HS6ST3: variants seen among roughly 807,000 people sequenced by gnomAD.
HS6ST3 encodes heparan sulfate 6-O-sulfotransferase 3, also known as heparan-sulfate 6-O-sulfotransferase 3.
Under a neutral mutation model 36.7 loss-of-function variants are expected in HS6ST3, and 12 were observed. The ratio of observed to expected loss-of-function variants is 0.33; its 90% confidence interval spans 0.21 to 0.53. HS6ST3 has a LOEUF of 0.53. Among genes scored for constraint, HS6ST3 ranks in the 20% least tolerant of loss-of-function variants. HS6ST3 has a pLI of 0.95. For missense variants in HS6ST3, 584 were observed against 640.9 expected (o/e 0.91, Z 0.96); for synonymous variants, 240 against 257.5 (o/e 0.93, Z 0.65).
intron 1 of HS6ST3, among the ~76,000 whole-genome samples, chr13:96,208,543 A>C (rs1464496399): frequency 1.3e-5 from 2 of 152,192 alleles, no homozygotes; most frequent in Admixed American, 1.3e-4. Flanking sequence ...ACTAATACCA[A>C]GTATTTTAGA....
intron 1 of HS6ST3, among the ~76,000 whole-genome samples, chr13:96,176,220 C>G (rs2054212042): frequency 1.3e-5 from 2 of 152,142 alleles, no homozygotes; most frequent in Non-Finnish European, 2.9e-5. Context: ...CCTCACACAA[C>G]TCATCAATTA....
intron 1 of HS6ST3, among the ~76,000 whole-genome samples, chr13:96,339,229 A>G (rs1426181181): frequency 6.6e-6 from 1 of 152,194 alleles, no homozygotes; most frequent in Non-Finnish European, 1.5e-5. Flanking sequence ...TGTTAAGAAA[A>G]CAGTATTAAG....
chr13:96,638,793 G>A (rs1463911269), intron 1 of HS6ST3, among the ~76,000 whole-genome samples: 1 of 151,630 alleles, frequency 6.6e-6, no homozygotes, highest in Non-Finnish European at 1.5e-5. Context: ...CCTTATAGCA[G>A]GGTGAGAATA....
intron 1 of HS6ST3, among the ~76,000 whole-genome samples, chr13:96,237,754 G>C (rs565756455): frequency 6.6e-6 from 1 of 152,164 alleles, no homozygotes; most frequent in Admixed American, 6.5e-5. Context: ...ACACATCTTT[G>C]TCCTTATTGG....
intron 1 of HS6ST3, among the ~76,000 whole-genome samples, chr13:96,143,856 G>GC (rs2054043665): frequency 1.3e-5 from 2 of 152,136 alleles, no homozygotes; most frequent in Admixed American, 6.6e-5. Context: ...TAGAGGGGGA[G>GC]CAATGGAAGA....
chr13:96,344,526 C>T (rs901056007), intron 1 of HS6ST3, among the ~76,000 whole-genome samples: 2 of 152,170 alleles, frequency 1.3e-5, no homozygotes, highest in African/African-American at 2.4e-5. Context: ...TTTGATTATG[C>T]ATTGCTGCTG....
At chr13:96,360,509 C>A (rs960784449) in intron 1 of HS6ST3, among the ~76,000 whole-genome samples, 2 of 152,038 alleles carry the variant, frequency 1.3e-5, no homozygotes, top group Non-Finnish European at 1.5e-5. Context: ...AAAAAAATTT[C>A]AATCACCCAC....
At chr13:96,146,468 A>G (rs1386024902) in intron 1 of HS6ST3, among the ~76,000 whole-genome samples, 1 of 152,048 alleles carries the variant, frequency 6.6e-6, no homozygotes, top group Non-Finnish European at 1.5e-5. Context: ...TCTGTTATTG[A>G]TGTATAAGAA....
At chr13:96,608,327 A>G (rs540133533) in intron 1 of HS6ST3, among the ~76,000 whole-genome samples, 13 of 152,370 alleles carry the variant, frequency 8.5e-5, no homozygotes, top group African/African-American at 2.9e-4. Context: ...GAATGTTGCC[A>G]TTTTGCAATT....
intron 1 of HS6ST3, among the ~76,000 whole-genome samples, chr13:96,661,129 A>T (rs2056644675): frequency 6.6e-6 from 1 of 152,152 alleles, no homozygotes; most frequent in South Asian, 2.1e-4. Context: ...AGGTTTCAGG[A>T]CTTGAACTGA....
intron 1 of HS6ST3, among the ~76,000 whole-genome samples, chr13:96,106,367 C>G (rs1473628459): frequency 6.6e-6 from 1 of 152,162 alleles, no homozygotes; most frequent in Non-Finnish European, 1.5e-5. Context: ...TGCTCTCTCT[C>G]TCTCTCTCCA....
intron 1 of HS6ST3, among the ~76,000 whole-genome samples, chr13:96,301,312 GA>G (rs2054880547): frequency 6.6e-6 from 1 of 152,126 alleles, no homozygotes; most frequent in Admixed American, 6.6e-5. Flanking sequence ...AGAACAATGG[GA>G]AAAGAAAGTT....
chr13:96,173,596 A>G (rs2054198506), intron 1 of HS6ST3, among the ~76,000 whole-genome samples: 1 of 151,632 alleles, frequency 6.6e-6, no homozygotes, highest in Admixed American at 6.6e-5. Flanking sequence ...AATCAAGTGA[A>G]ATCATTTCTT....
At chr13:96,537,047 G>C (rs1315409743) in intron 1 of HS6ST3, among the ~76,000 whole-genome samples, 1 of 152,184 alleles carries the variant, frequency 6.6e-6, no homozygotes, top group Non-Finnish European at 1.5e-5. Flanking sequence ...CTTGCTTCCT[G>C]TATTAGTCTG....
intron 1 of HS6ST3, among the ~76,000 whole-genome samples, chr13:96,253,990 A>C (rs1333931336): frequency 2.0e-5 from 3 of 152,210 alleles, no homozygotes; most frequent in Non-Finnish European, 2.9e-5. Flanking sequence ...AATTTCAAAC[A>C]TGGCATAAAT....
chr13:96,504,587 A>C (rs553134023), intron 1 of HS6ST3, among the ~76,000 whole-genome samples: 1 of 152,250 alleles, frequency 6.6e-6, no homozygotes, highest in South Asian at 2.1e-4. Context: ...AGAGAGAGGA[A>C]GAGGGAGAGA....
At chr13:96,448,826 A>G (rs372315182) in intron 1 of HS6ST3, among the ~76,000 whole-genome samples, 1 of 152,136 alleles carries the variant, frequency 6.6e-6, no homozygotes, top group South Asian at 2.1e-4. Flanking sequence ...AGACCACGAC[A>G]GTATTTGTTT....
intron 1 of HS6ST3, among the ~76,000 whole-genome samples, chr13:96,791,890 A>C (rs1877800953): frequency 6.6e-6 from 1 of 152,084 alleles, no homozygotes; most frequent in Non-Finnish European, 1.5e-5. Flanking sequence ...AGGCAAACTA[A>C]TATGGTTATT....
chr13:96,472,971 T>C (rs1251568975), intron 1 of HS6ST3, among the ~76,000 whole-genome samples: 2 of 152,224 alleles, frequency 1.3e-5, no homozygotes, highest in African/African-American at 4.8e-5. Flanking sequence ...ATTGTTGGCC[T>C]GATTTTGTAA....
Sources: gnomAD v4.1 joint callset for allele counts (sites outside exome capture counted in the v4.1 genomes callset) on GRCh38, gnomAD v4.1.1 for gene constraint, MANE v1.5 for transcripts, NCBI Gene and HGNC (gene_info 2026-07-23, HGNC 2026-07-21) for gene names.